The following EAF1 variants were observed in gnomAD, a reference collection of about 807,000 sequenced individuals.
The protein encoded by EAF1 is ELL-associated factor 1.
A neutral mutation model predicts 26.6 loss-of-function variants in EAF1; 19 were observed. That is an observed-to-expected ratio of 0.71 (90% CI 0.50 to 1.05). The LOEUF (loss-of-function observed/expected upper bound fraction) is 1.05. Among genes scored for constraint, EAF1 ranks in the 50% least tolerant of loss-of-function variants. The pLI is 0.00. For missense variants in EAF1, 260 were observed against 335.5 expected (o/e 0.78, Z 1.76); for synonymous variants, 102 against 120.6 (o/e 0.85, Z 1.01).
At chr3:15,429,242 A>G (rs1437305234) in intron 1 of EAF1, among the ~76,000 whole-genome samples, 1 of 152,146 alleles carries the variant, frequency 6.6e-6, no homozygotes, top group Admixed American at 6.6e-5. Context: ...GGCTGACACT[A>G]TAATCCCAGT....
Position 15,435,512 on chromosome 3 carries a change from T to C in EAF1, c.527-830T>C, listed in dbSNP as rs113077879. The stretch of plus-strand genomic sequence containing the variant: ...CCTCATGGATACTGGAATGCTGTTA[T>C]GGAAGTTTTCACTTAGGTTGAATAG... On this transcript the variant is annotated intron_variant, in intron 4 of 5. Transcript: ENST00000396842. Among the ~76,000 whole-genome samples, 1,157 of 152,172 alleles carry C rather than the reference T, an allele frequency of 7.6e-3. 24 individuals carry two copies. Among genetic ancestry groups the C allele is most frequent in the African/African-American group, 0.027 (1,109 of 41,520 alleles).
intron 4 of EAF1, among the ~76,000 whole-genome samples, chr3:15,435,318 G>T (rs2061828384): frequency 6.6e-6 from 1 of 152,174 alleles, no homozygotes; most frequent in South Asian, 2.1e-4. Flanking sequence ...CTCTTTAGAA[G>T]TTGTGAGGTC....
intron 5 of EAF1, chr3:15,436,798 TTG>T (rs2061838833): frequency 2.3e-6 from 1 of 431,392 alleles, no homozygotes; most frequent in Non-Finnish European, 4.1e-6. Context: ...ATACCGGTGT[TTG>T]TGAATTCTAG....
intron 4 of EAF1, among the ~76,000 whole-genome samples, chr3:15,435,641 T>C (rs919142703): frequency 9.2e-5 from 14 of 152,230 alleles, no homozygotes; most frequent in African/African-American, 3.4e-4. Flanking sequence ...GCGCCTTTCT[T>C]GAAATGGTTA....
Position 15,439,294 on chromosome 3 carries a change from A to G in EAF1, c.*139A>G, listed in dbSNP as rs1015479966. 1 of 698,988 alleles carries G rather than the reference A, an allele frequency of 1.4e-6. No individual in the cohort carries two copies. The allele number at this position is 698,988 out of a possible 1,614,324, so 43.3% of individuals were successfully genotyped here. A position where few individuals can be genotyped will look rare whatever the true frequency, so the allele number is the denominator to read the frequency against. ...GAGTTTGAGGCTCTGGAACTCTCAC[A>G]TATTCAAGTCTTTAACTTAGTGGTG... On this transcript the variant is annotated 3_prime_UTR_variant, in exon 6 of 6. Coordinates refer to ENST00000396842, the MANE Select transcript of EAF1 (RefSeq NM_033083.7).
In EAF1 at chr3:15,427,615, A is replaced by C; in HGVS notation, c.-165A>C. 4.6e-6 allele frequency: 3 copies of C among 647,160 alleles called. No individual in the cohort carries two copies. The highest frequency in any genetic ancestry group is 8.1e-6 in the Non-Finnish European group (3 of 369,698). The allele number at this position is 647,160 out of a possible 1,614,324, so 40.1% of individuals were successfully genotyped here. On this transcript the variant is annotated 5_prime_UTR_variant, in exon 1 of 6. Transcript: ENST00000396842. ...TCAGATTCCTCTCTCACCCCCACGC[A>C]GAGGAGAGAACTTGCTTCTGGACCC...
At chr3:15,436,794 G>C (rs530630335) in intron 5 of EAF1, 104 of 434,092 alleles carry the variant, frequency 2.4e-4, no homozygotes, top group Admixed American at 5.3e-4. Context: ...GCTCATACCG[G>C]TGTTTGTGAA....
chr3:15,427,651 C>T lies in EAF1; in HGVS notation c.-129C>T. The T allele has an allele frequency of 2.1e-6, 2 of 966,944 alleles. No individual in the cohort carries two copies. Among genetic ancestry groups the T allele is most frequent in the Non-Finnish European group, 3.1e-6 (2 of 636,826 alleles). The allele number at this position is 966,944 out of a possible 1,614,324, so 59.9% of individuals were successfully genotyped here. A position where few individuals can be genotyped will look rare whatever the true frequency, so the allele number is the denominator to read the frequency against. ...CTTGCTTCTGGACCCGGGTGGGTGC[C>T]GGCTCGGCTCTCCTTGTCTTCCAGA... On this transcript the variant is annotated 5_prime_UTR_variant, in exon 1 of 6. Coordinates refer to ENST00000396842, the MANE Select transcript of EAF1 (RefSeq NM_033083.7).
chr3:15,437,779 A>G (rs2061844113), intron 5 of EAF1, among the ~76,000 whole-genome samples: 1 of 152,156 alleles, frequency 6.6e-6, no homozygotes, highest in Admixed American at 6.5e-5. Context: ...AAGTTAACCT[A>G]GTTAATCCAA....
rs776665746 is a variant in EAF1 at position 15,429,984 on chromosome 3, A to G, written c.175A>G (p.Thr59Ala). ...TCAAGTTGGCAAAGGAGATGAAGTC[A>G]CAATTACACTGCCACATATCCCTGT... ...ELQVGKGDEV[T>A]ITLPHIPGST... Residue 59 changes from threonine (T) to alanine (A), a missense_variant, in exon 2 of 6, where the codon ACA (threonine) becomes GCA (alanine). By Grantham distance (58) the Thr-to-Ala change is moderately conservative. Transcript: ENST00000396842. The G allele has an allele frequency of 1.2e-6, 2 of 1,610,692 alleles. No homozygotes were observed. The highest frequency in any genetic ancestry group is 2.2e-5 in the South Asian group (2 of 90,408).
rs55776970 is a variant in EAF1 at position 15,431,879 on chromosome 3, G to A, written c.199-208G>A. ...TACTACCTTTTTGATTACTTAGAAC[G>A]CGTTGCACATTCACAAATTCTTGCT... is the stretch of plus-strand genomic sequence containing the variant. On this transcript the variant is annotated intron_variant, in intron 2 of 5. Coordinates refer to ENST00000396842, the MANE Select transcript of EAF1 (RefSeq NM_033083.7). Among the ~76,000 whole-genome samples, 1,044 of 152,194 alleles carry A rather than the reference G, an allele frequency of 6.9e-3. 6 individuals are homozygous for A. Among genetic ancestry groups the A allele is most frequent in the Non-Finnish European group, 0.011 (751 of 68,012 alleles).
At chr3:15,429,693 A>G (rs1336963054) in intron 1 of EAF1, among the ~76,000 whole-genome samples, 2 of 152,240 alleles carry the variant, frequency 1.3e-5, no homozygotes, top group Non-Finnish European at 2.9e-5. Flanking sequence ...TGAGTTGGTA[A>G]TAATTGAAAC....
intron 1 of EAF1, 50 bp from the exon 2 acceptor site, chr3:15,429,863 C>T: frequency 8.4e-7 from 1 of 1,192,372 alleles, no homozygotes. Context: ...CCAGGAAACC[C>T]TTATTATAAG....
chr3:15,436,283 C>T, intron 4 of EAF1, 59 bp from the exon 5 acceptor site: 1 of 1,326,328 alleles, frequency 7.5e-7, no homozygotes, highest in Non-Finnish European at 1.0e-6. Context: ...TATAGAAGCT[C>T]CAATGCACTG....
Position 15,440,513 on chromosome 3 carries a change from T to C in EAF1, c.*1358T>C, listed in dbSNP as rs1208956976. 1 of 152,190 alleles carries C rather than the reference T, an allele frequency of 6.6e-6. No individual in the cohort carries two copies. Among genetic ancestry groups the C allele is most frequent in the Admixed American group, 6.5e-5 (1 of 15,276 alleles). 9.4% of individuals were successfully genotyped at this position (152,190 alleles called of 1,614,324 possible). On this transcript the variant is annotated 3_prime_UTR_variant, in exon 6 of 6. Transcript: ENST00000396842. The stretch of plus-strand genomic sequence containing the variant: ...TCAGCGGACATCAAGGTAGTAATAA[T>C]AATTTTTCCTCCACAGGTCCCTCCA...
chr3:15,432,345 C>T (rs1319207123), intron 3 of EAF1, 122 bp downstream of exon 3: 4 of 1,217,614 alleles, frequency 3.3e-6, no homozygotes, highest in Non-Finnish European at 4.5e-6. Context: ...TTAACACTAC[C>T]TGTGCTCAGA....
intron 4 of EAF1, 127 bp downstream of exon 4, chr3:15,434,665 C>G: frequency 8.7e-7 from 1 of 1,148,446 alleles, no homozygotes; most frequent in African/African-American, 1.5e-5. Context: ...AAAATGTCTG[C>G]AGAGCTCACT....
chr3:15,436,799 T>A, intron 5 of EAF1: 1 of 431,988 alleles, frequency 2.3e-6, no homozygotes. Context: ...TACCGGTGTT[T>A]GTGAATTCTA....
At chr3:15,430,971 G>T (rs2061798801) in intron 2 of EAF1, among the ~76,000 whole-genome samples, 1 of 152,166 alleles carries the variant, frequency 6.6e-6, no homozygotes, top group Non-Finnish European at 1.5e-5. Context: ...ACTGCTGTTT[G>T]ATTACTTGTT....
Sources: allele counts gnomAD v4.1 joint callset (sites outside exome capture counted in the v4.1 genomes callset), GRCh38; gene constraint gnomAD v4.1.1; transcripts MANE v1.5; gene names NCBI Gene and HGNC (gene_info 2026-07-23, HGNC 2026-07-21).